Variants in TAF3 observed in about 807,000 individuals in gnomAD.
The protein encoded by TAF3 is transcription initiation factor TFIID subunit 3.
A neutral mutation model predicts 80.6 loss-of-function variants in TAF3; 7 were observed. The ratio of observed to expected loss-of-function variants is 0.09; its 90% CI spans 0.05 to 0.16. TAF3 has a LOEUF of 0.16. Among genes scored for constraint, TAF3 ranks in the 10% least tolerant of loss-of-function variants. TAF3 has a pLI of 1.00. For synonymous variants in TAF3, 444 were observed against 446.1 expected (o/e 1.00, Z 0.06); for missense variants, 921 against 1,140.2 (o/e 0.81, Z 2.77).
chr10:7,906,063 C>T (rs1022301911), intron 2 of TAF3, among the ~76,000 whole-genome samples: 2 of 152,136 alleles, frequency 1.3e-5, no homozygotes, highest in Non-Finnish European at 2.9e-5. Context: ...TAAAAGTGCT[C>T]GTGGATAACA....
At chr10:7,993,730 A>G (rs1423368390) in intron 4 of TAF3, among the ~76,000 whole-genome samples, 2 of 152,106 alleles carry the variant, frequency 1.3e-5, no homozygotes, top group Admixed American at 6.6e-5. Context: ...TGATTGTCAC[A>G]TTCTTAGTGA....
intron 4 of TAF3, among the ~76,000 whole-genome samples, chr10:7,993,329 C>T (rs960057441): frequency 6.6e-6 from 1 of 152,178 alleles, no homozygotes; most frequent in Non-Finnish European, 1.5e-5. Context: ...CAGGCACATG[C>T]CACTACACCC....
intron 2 of TAF3, among the ~76,000 whole-genome samples, chr10:7,911,279 A>G: frequency 6.6e-6 from 1 of 152,256 alleles, no homozygotes; most frequent in Admixed American, 6.5e-5. Context: ...ATATTTAGTC[A>G]GTCAGTGAAA....
At chr10:7,984,473 C>T (rs1249483325) in intron 4 of TAF3, among the ~76,000 whole-genome samples, 1 of 152,156 alleles carries the variant, frequency 6.6e-6, no homozygotes, top group Non-Finnish European at 1.5e-5. Context: ...CATTCTAATG[C>T]AATTAGAGCT....
At chr10:7,886,013 C>G (rs1290665542) in intron 2 of TAF3, among the ~76,000 whole-genome samples, 1 of 152,134 alleles carries the variant, frequency 6.6e-6, no homozygotes. Context: ...ACTACAGCCT[C>G]AACCTCCTGG....
Position 8,016,245 on chromosome 10 carries a change from C to T in TAF3, c.*1494C>T, listed in dbSNP as rs1471481222. 1 of 152,084 alleles carries T rather than the reference C, an allele frequency of 6.6e-6. No individual in the cohort carries two copies. Among genetic ancestry groups the T allele is most frequent in the Non-Finnish European group, 1.5e-5 (1 of 68,038 alleles). The allele number at this position is 152,084 out of a possible 1,614,324, so 9.4% of individuals were successfully genotyped here. A position where few individuals can be genotyped will look rare whatever the true frequency, so the allele number is the denominator to read the frequency against. ...TAGAATATGGGCTTTGAACCTAATA[C>T]AAATATATTACTAGAAAATGTGATT... On this transcript the variant is annotated 3_prime_UTR_variant, in exon 7 of 7. Transcript: ENST00000344293.
chr10:7,912,847 C>G (rs4749347), intron 2 of TAF3, among the ~76,000 whole-genome samples: 3 of 151,936 alleles, frequency 2.0e-5, no homozygotes, highest in Non-Finnish European at 4.4e-5. Context: ...CTTTCTGAAT[C>G]GGACCCCGGA....
chr10:7,868,637 T>A (rs1837237719), intron 2 of TAF3, among the ~76,000 whole-genome samples: 1 of 152,222 alleles, frequency 6.6e-6, no homozygotes, highest in African/African-American at 2.4e-5. Context: ...ACATTCCAAA[T>A]CTCATTTCCT....
chr10:7,870,194 G>GT (rs959225959), intron 2 of TAF3, among the ~76,000 whole-genome samples: 5 of 152,304 alleles, frequency 3.3e-5, no homozygotes, highest in Admixed American at 2.6e-4. Context: ...ATTCTTATGA[G>GT]TAGGGAATCA....
At chr10:7,842,656 C>T (rs933558120) in intron 2 of TAF3, among the ~76,000 whole-genome samples, 14 of 152,078 alleles carry the variant, frequency 9.2e-5, no homozygotes, top group Admixed American at 3.3e-4. Context: ...CTTGGTATGT[C>T]ATTGAAGCGT....
At position 7,939,577 on chromosome 10, in the gene TAF3, TACACACACACACAC is replaced by T. The variant is rs71385681; in HGVS notation, c.410-24312_410-24299del. On this transcript the variant is annotated intron_variant, in intron 2 of 6. Transcript: ENST00000344293. ...GACAATGTAGGAAATAGAAGAAAAC[TACACACACACACAC>T]ACACACACACACACACACACACACA... Among the ~76,000 whole-genome samples the T allele has an allele frequency of 4.7e-3, 649 of 139,300 alleles. 3 individuals carry two copies. Among genetic ancestry groups the T allele is most frequent in the African/African-American group, 0.016 (609 of 36,970 alleles). The allele number at this position is 139,300 out of a possible 152,430, so 91.4% of individuals were successfully genotyped here.
intron 2 of TAF3, 93 bp from the exon 3 acceptor site, chr10:7,963,827 A>C: frequency 1.6e-6 from 2 of 1,260,356 alleles, no homozygotes; most frequent in Non-Finnish European, 2.1e-6. Flanking sequence ...AGAAAGAAAA[A>C]AGAAATCATA....
At chr10:7,939,577 TACACACACACACACACACAC>T (rs71385681) in intron 2 of TAF3, among the ~76,000 whole-genome samples, 3 of 139,204 alleles carry the variant, frequency 2.2e-5, no homozygotes, top group Non-Finnish European at 3.1e-5. Context: ...AGAAGAAAAC[TACACACACACACACACACAC>T]ACACACACAC....
chr10:8,001,790 A>G (rs896386487), intron 4 of TAF3, among the ~76,000 whole-genome samples: 4 of 152,168 alleles, frequency 2.6e-5, no homozygotes, highest in Non-Finnish European at 5.9e-5. Flanking sequence ...TTAATTAACT[A>G]TACCATCCAA....
chr10:7,950,298 T>C (rs1033069912), intron 2 of TAF3, among the ~76,000 whole-genome samples: 5 of 151,880 alleles, frequency 3.3e-5, no homozygotes, highest in African/African-American at 1.2e-4. Flanking sequence ...CAGGGAAGAG[T>C]GTTCCCATGG....
At chr10:8,013,571 C>A (rs868469984) in intron 5 of TAF3, among the ~76,000 whole-genome samples, 160 bp from the exon 6 acceptor site, 2 of 152,286 alleles carry the variant, frequency 1.3e-5, no homozygotes, top group South Asian at 4.1e-4. Context: ...ACAGTGATGA[C>A]GCTGATCATG....
chr10:7,920,697 G>A (rs1158803887), intron 2 of TAF3, among the ~76,000 whole-genome samples: 2 of 152,070 alleles, frequency 1.3e-5, no homozygotes, highest in African/African-American at 4.8e-5. Flanking sequence ...ACAGTTAATT[G>A]TTGTCATTCT....
intron 2 of TAF3, among the ~76,000 whole-genome samples, chr10:7,862,967 C>G (rs894206361): frequency 6.6e-6 from 1 of 152,068 alleles, no homozygotes; most frequent in African/African-American, 2.4e-5. Flanking sequence ...TTTTTACTGT[C>G]TTGGACTATT....
At chr10:7,919,061 G>C (rs1837739308) in intron 2 of TAF3, among the ~76,000 whole-genome samples, 1 of 152,132 alleles carries the variant, frequency 6.6e-6, no homozygotes, top group Admixed American at 6.5e-5. Context: ...CCTGGACATA[G>C]AGGAGATTTT....
Sources: gnomAD v4.1 joint callset for allele counts (sites outside exome capture counted in the v4.1 genomes callset) on GRCh38, gnomAD v4.1.1 for gene constraint, MANE v1.5 for transcripts, NCBI Gene and HGNC (gene_info 2026-07-23, HGNC 2026-07-21) for gene names.